The following SUCLG2 variants were observed in gnomAD, a reference collection of about 807,000 sequenced individuals.
SUCLG2 encodes succinate-CoA ligase GDP-forming subunit beta.
Under a neutral mutation model 47.9 loss-of-function variants are expected in SUCLG2, and 42 were observed. The ratio of observed to expected loss-of-function variants is 0.88; its 90% CI spans 0.69 to 1.14. The LOEUF is 1.14. Among genes scored for constraint, SUCLG2 ranks in the 50% most tolerant of loss-of-function variants. SUCLG2 has a pLI of 0.00. For missense variants in SUCLG2, 571 were observed against 525.9 expected (o/e 1.09, Z -0.84); for synonymous variants, 195 against 197.3 (o/e 0.99, Z 0.10).
At chr3:67,443,038 C>T (rs1205314406) in intron 9 of SUCLG2, among the ~76,000 whole-genome samples, 3 of 152,154 alleles carry the variant, frequency 2.0e-5, no homozygotes, top group Non-Finnish European at 4.4e-5. Context: ...TTAACATGTA[C>T]AGACTTTCTT....
intron 1 of SUCLG2, among the ~76,000 whole-genome samples, chr3:67,638,458 T>C (rs1171804095): frequency 6.6e-6 from 1 of 152,178 alleles, no homozygotes; most frequent in African/African-American, 2.4e-5. Context: ...CATACTGCTA[T>C]AGGGCAGCAC....
chr3:67,396,974 C>A (rs1346814630), intron 10 of SUCLG2, among the ~76,000 whole-genome samples: 3 of 150,972 alleles, frequency 2.0e-5, no homozygotes, highest in African/African-American at 4.9e-5. Flanking sequence ...ATTCAACAAC[C>A]CTTCATGCTA....
At chr3:67,507,665 T>G (rs1705674087) in intron 7 of SUCLG2, among the ~76,000 whole-genome samples, 1 of 152,204 alleles carries the variant, frequency 6.6e-6, no homozygotes, top group Non-Finnish European at 1.5e-5. Flanking sequence ...TTTCTCTGAG[T>G]CTAGCTACAG....
intron 9 of SUCLG2, among the ~76,000 whole-genome samples, chr3:67,432,166 G>A (rs1703500716): frequency 1.3e-5 from 2 of 152,158 alleles, no homozygotes; most frequent in African/African-American, 2.4e-5. Flanking sequence ...TGAAGTACAC[G>A]CCTGGCAGAT....
chr3:67,590,101 T>C lies in SUCLG2; in HGVS notation c.226+19354A>G, dbSNP rs183923722. Among the ~76,000 whole-genome samples the C allele has an allele frequency of 3.3e-5, 5 of 152,312 alleles. No individual in the cohort carries two copies. The East Asian group carries it at 7.7e-4, about 24-fold the overall frequency. The stretch of plus-strand genomic sequence containing the variant: ...TAGGGATGGGGCCTAACTGCTACTC[T>C]GAGAACTTGATCAAGTACCTCAGTT... On this transcript the variant is annotated intron_variant, in intron 2 of 10. Transcript: ENST00000307227.
Position 67,427,093 on chromosome 3 carries a change from C to T in SUCLG2, c.1063-26242G>A, listed in dbSNP as rs138412060. ...AGGTTTTATATATTACCTGAAAGAA[C>T]GGTTTTTTTGCTGAATGAAACTGAT... On this transcript the variant is annotated intron_variant, in intron 9 of 10. Coordinates refer to ENST00000307227, the MANE Select transcript of SUCLG2 (RefSeq NM_003848.4). Among the ~76,000 whole-genome samples, 717 of 152,244 alleles carry T rather than the reference C, an allele frequency of 4.7e-3. 5 individuals are homozygous for T. The highest frequency in any genetic ancestry group is 0.015 in the African/African-American group (636 of 41,544).
At chr3:67,632,591 G>A (rs759553612) in intron 1 of SUCLG2, among the ~76,000 whole-genome samples, 1 of 152,058 alleles carries the variant, frequency 6.6e-6, no homozygotes, top group Admixed American at 6.6e-5. Context: ...ACTGGATCAC[G>A]GACTTGTTTG....
intron 2 of SUCLG2, 147 bp downstream of exon 2, chr3:67,609,308 C>CT: frequency 2.4e-6 from 2 of 847,116 alleles, no homozygotes; most frequent in South Asian, 1.8e-5. Flanking sequence ...GCAATCTGGA[C>CT]TTTTTTGCTT....
intron 1 of SUCLG2, among the ~76,000 whole-genome samples, chr3:67,641,605 A>C (rs564860601): frequency 6.6e-6 from 1 of 152,348 alleles, no homozygotes; most frequent in East Asian, 1.9e-4. Flanking sequence ...TAATAATACT[A>C]GGATGACTTT....
intron 6 of SUCLG2, chr3:67,514,253 C>G (rs1705880305): frequency 2.4e-6 from 1 of 419,568 alleles, no homozygotes; most frequent in African/African-American, 2.1e-5. Flanking sequence ...GTATTCAAAA[C>G]TGACAGGAAT....
At chr3:67,647,438 A>G (rs1701211760) in intron 1 of SUCLG2, among the ~76,000 whole-genome samples, 1 of 152,058 alleles carries the variant, frequency 6.6e-6, no homozygotes, top group Non-Finnish European at 1.5e-5. Flanking sequence ...CTCCAACACC[A>G]TCCCCCAAAG....
intron 9 of SUCLG2, among the ~76,000 whole-genome samples, chr3:67,427,700 A>T (rs547344620): frequency 6.6e-6 from 1 of 152,320 alleles, no homozygotes; most frequent in African/African-American, 2.4e-5. Flanking sequence ...GGGTCAGGGA[A>T]TTCCCTTTCC....
chr3:67,508,317 G>T (rs1461515989), intron 7 of SUCLG2, among the ~76,000 whole-genome samples: 1 of 152,200 alleles, frequency 6.6e-6, no homozygotes, highest in Non-Finnish European at 1.5e-5. Flanking sequence ...TTACACCCAA[G>T]TGTGTGGCTC....
At chr3:67,574,508 T>A (rs1021042936) in intron 2 of SUCLG2, among the ~76,000 whole-genome samples, 1 of 152,282 alleles carries the variant, frequency 6.6e-6, no homozygotes, top group South Asian at 2.1e-4. Context: ...GTAGAGACAA[T>A]AGCACAATTT....
At chr3:67,652,425 G>C (rs180817794) in intron 1 of SUCLG2, among the ~76,000 whole-genome samples, 249 of 152,326 alleles carry the variant, frequency 1.6e-3, no homozygotes, top group African/African-American at 5.8e-3. Flanking sequence ...AGTATGATGA[G>C]AGAAGTGGGC....
chr3:67,381,520 TCTC>T (rs1353938502), intron 10 of SUCLG2, among the ~76,000 whole-genome samples: 7 of 152,184 alleles, frequency 4.6e-5, no homozygotes, highest in African/African-American at 1.7e-4. Flanking sequence ...AGGAAATTGA[TCTC>T]CTTCCCACAT....
chr3:67,528,808 T>G (rs1378472647), intron 3 of SUCLG2, among the ~76,000 whole-genome samples: 3 of 152,168 alleles, frequency 2.0e-5, no homozygotes, highest in Non-Finnish European at 4.4e-5. Flanking sequence ...AGCATTTCAG[T>G]TGGAAGTGGT....
At chr3:67,525,226 T>C (rs1706221404) in intron 4 of SUCLG2, among the ~76,000 whole-genome samples, 1 of 152,204 alleles carries the variant, frequency 6.6e-6, no homozygotes, top group South Asian at 2.1e-4. Flanking sequence ...ACAGGTTTAA[T>C]AAGATTCCTA....
intron 2 of SUCLG2, among the ~76,000 whole-genome samples, chr3:67,562,890 T>G (rs1444020245): frequency 6.6e-6 from 1 of 152,080 alleles, no homozygotes; most frequent in Non-Finnish European, 1.5e-5. Flanking sequence ...TAGTGAACTG[T>G]GTATGTATGT....
Sources: allele counts gnomAD v4.1 joint callset (sites outside exome capture counted in the v4.1 genomes callset), GRCh38; gene constraint gnomAD v4.1.1; transcripts MANE v1.5; gene names NCBI Gene and HGNC (gene_info 2026-07-23, HGNC 2026-07-21).